Variants in GREB1L observed in about 807,000 individuals in gnomAD.
The protein encoded by GREB1L is GREB1 like retinoic acid receptor coactivator.
A neutral mutation model predicts 200.8 loss-of-function variants in GREB1L; 17 were observed. That is an observed-to-expected ratio of 0.08 (90% CI 0.06 to 0.13). The LOEUF is 0.13. Ranked by LOEUF, GREB1L falls within the 10% of genes least tolerant of loss-of-function variation. The pLI is 1.00. For missense variants in GREB1L, 1,657 were observed against 2,367.7 expected (o/e 0.70, Z 6.23); for synonymous variants, 789 against 893.0 (o/e 0.88, Z 2.08).
intron 15 of GREB1L, among the ~76,000 whole-genome samples, chr18:21,455,469 GTCAGGAGT>G (rs1465848264): frequency 2.6e-5 from 4 of 152,084 alleles, no homozygotes; most frequent in African/African-American, 9.7e-5. Flanking sequence ...ATCACTTGAG[GTCAGGAGT>G]TCAAGACCAG....
At chr18:21,414,557 A>G (rs2031432558) in intron 7 of GREB1L, among the ~76,000 whole-genome samples, 1 of 152,208 alleles carries the variant, frequency 6.6e-6, no homozygotes, top group Non-Finnish European at 1.5e-5. Flanking sequence ...TTCAAGATAC[A>G]GGTAGATGAT....
At chr18:21,311,749 A>G (rs1282590283) in intron 1 of GREB1L, among the ~76,000 whole-genome samples, 2 of 152,166 alleles carry the variant, frequency 1.3e-5, no homozygotes, top group Middle Eastern at 3.2e-3. Context: ...AAAAATCTCA[A>G]TTAATTATAG....
chr18:21,518,232 G>C lies in GREB1L; in HGVS notation c.5470G>C (p.Glu1824Gln). The change falls in exon 31 of 33, where the codon GAG becomes CAG. Residue 1824 changes from glutamate (E) to glutamine (Q), a missense_variant and splice_region_variant. By Grantham distance (29) the Glu-to-Gln change is conservative. Coordinates refer to ENST00000424526, the MANE Select transcript of GREB1L (RefSeq NM_001142966.3). ...AIDCYLNIGP[E>Q]VAICYISSRP... Reference sequence around the variant, plus strand: ...TGACTGCTACCTTAACATTGGACCAGAGGTAAAAAGGGTGTGGGGGATACT... The same window carrying C: ...TGACTGCTACCTTAACATTGGACCACAGGTAAAAAGGGTGTGGGGGATACT... 1 of 1,551,476 alleles carries C rather than the reference G, an allele frequency of 6.4e-7. No homozygotes were observed. The highest frequency in any genetic ancestry group is 8.7e-7 in the Non-Finnish European group (1 of 1,146,828).
At chr18:21,423,709 T>C (rs2032341699) in intron 7 of GREB1L, among the ~76,000 whole-genome samples, 1 of 151,978 alleles carries the variant, frequency 6.6e-6, no homozygotes, top group South Asian at 2.1e-4. Flanking sequence ...AAAATACAAA[T>C]AAATTAGCTA....
At position 21,449,565 on chromosome 18, in the gene GREB1L, G is replaced by C. The variant is rs1309538220; in HGVS notation, c.1449G>C (p.Met483Ile). 4.5e-6 allele frequency: 7 copies of C among 1,551,372 alleles called. No homozygotes were observed. Among genetic ancestry groups the C allele is most frequent in the Non-Finnish European group, 5.2e-6 (6 of 1,146,854 alleles). ...EEFEQIMLKA[M>I]QEFTLRERAL... ...TTGAGCAAATTATGCTGAAAGCTAT[G>C]CAAGAATTTACTCTGAGAGAAAGAG... The change falls in exon 12 of 33, where the codon ATG (methionine) becomes ATC (isoleucine). Residue 483 changes from methionine to isoleucine, a missense_variant. Met to Ile is a conservative substitution (Grantham distance 10). Coordinates refer to ENST00000424526, the MANE Select transcript of GREB1L (RefSeq NM_001142966.3).
intron 23 of GREB1L, 131 bp from the exon 24 acceptor site, chr18:21,505,281 A>C: frequency 1.3e-6 from 1 of 750,148 alleles, no homozygotes; most frequent in Non-Finnish European, 2.2e-6. Context: ...CTACTGGGAC[A>C]GGGGAGCTCA....
chr18:21,494,413 TTA>T (rs548910655), intron 19 of GREB1L, among the ~76,000 whole-genome samples: 96 of 152,318 alleles, frequency 6.3e-4, no homozygotes, highest in African/African-American at 2.2e-3. Flanking sequence ...AGCCTTTTCT[TTA>T]TTGAGCCTTT....
At chr18:21,415,674 G>GCTATTCCCA (rs1248372260) in intron 7 of GREB1L, among the ~76,000 whole-genome samples, 4 of 152,138 alleles carry the variant, frequency 2.6e-5, no homozygotes, top group African/African-American at 9.7e-5. Flanking sequence ...AAGAAAAGTG[G>GCTATTCCCA]CTATTCCCAC....
Position 21,523,607 on chromosome 18 carries a change from C to A in GREB1L, c.*786C>A, listed in dbSNP as rs1014187093. 6.6e-6 allele frequency: 1 copy of A among 152,152 alleles called. No homozygotes were observed. Among genetic ancestry groups the A allele is most frequent in the Admixed American group, 6.6e-5 (1 of 15,262 alleles). The allele number at this position is 152,152 out of a possible 1,614,324, so 9.4% of individuals were successfully genotyped here. ...CTATGGAACAGTGATTAATCTTTTG[C>A]AAGAACTTAAGTCAGTTAAGAAGCT... On this transcript the variant is annotated 3_prime_UTR_variant, in exon 33 of 33. Coordinates refer to ENST00000424526, the MANE Select transcript of GREB1L (RefSeq NM_001142966.3).
chr18:21,274,051 G>C (rs549297966), intron 1 of GREB1L, among the ~76,000 whole-genome samples: 7 of 152,210 alleles, frequency 4.6e-5, no homozygotes, highest in Non-Finnish European at 1.0e-4. Context: ...AAACTGGTTG[G>C]CTTATCAACA....
chr18:21,436,669 G>GGTGTGTGT (rs71178172), intron 7 of GREB1L, among the ~76,000 whole-genome samples: 2,339 of 132,480 alleles, frequency 0.018, 35 homozygotes, highest in Middle Eastern at 0.048. Flanking sequence ...AAAGTTCAGT[G>GGTGTGTGT]GTGTGTGTGT....
intron 7 of GREB1L, among the ~76,000 whole-genome samples, chr18:21,420,605 C>T (rs1396034828): frequency 6.6e-6 from 1 of 152,130 alleles, no homozygotes; most frequent in Admixed American, 6.5e-5. Context: ...TACCAGTATA[C>T]ACCTATTAGT....
At chr18:21,265,246 G>C (rs867614383) in intron 1 of GREB1L, among the ~76,000 whole-genome samples, 7 of 152,134 alleles carry the variant, frequency 4.6e-5, no homozygotes, top group African/African-American at 1.7e-4. Context: ...TCCCAACTTT[G>C]TGATGCTGTG....
intron 1 of GREB1L, among the ~76,000 whole-genome samples, chr18:21,259,950 A>G (rs1342277281): frequency 2.0e-5 from 3 of 151,734 alleles, no homozygotes; most frequent in Non-Finnish European, 4.4e-5. Flanking sequence ...AACTAACTTT[A>G]GTTAGTATAC....
rs543257821 is a variant in GREB1L, at chr18:21,391,822, A to C, written c.356-3563A>C. 6.6e-5 allele frequency among the ~76,000 whole-genome samples: 10 copies of C among 152,210 alleles called. 1 individual carries two copies. In the South Asian group the frequency reaches 2.1e-3, roughly 32 times the overall value. On this transcript the variant is annotated intron_variant, in intron 4 of 32. Coordinates refer to ENST00000424526, the MANE Select transcript of GREB1L (RefSeq NM_001142966.3). ...GGTTTGTTTGTTTATTTATTTATTT[A>C]TTTTGAGACAGAGTTTCACTCTTGT... is the stretch of plus-strand genomic sequence containing the variant.
chr18:21,416,037 C>T (rs564189369), intron 7 of GREB1L, among the ~76,000 whole-genome samples: 4 of 152,052 alleles, frequency 2.6e-5, no homozygotes, highest in Non-Finnish European at 2.9e-5. Flanking sequence ...AGAACTGACA[C>T]GTTAGAGTCA....
chr18:21,422,994 G>A (rs777564827), intron 7 of GREB1L, among the ~76,000 whole-genome samples: 3 of 152,136 alleles, frequency 2.0e-5, no homozygotes, highest in South Asian at 2.1e-4. Flanking sequence ...ATAGTGGCGC[G>A]ATCTCGGCTC....
chr18:21,309,511 A>G (rs1224015487), intron 1 of GREB1L, among the ~76,000 whole-genome samples: 3 of 152,180 alleles, frequency 2.0e-5, no homozygotes, highest in South Asian at 2.1e-4. Context: ...CTACACTACA[A>G]CTGGGGCACT....
chr18:21,343,265 A>G (rs547334349), intron 1 of GREB1L, among the ~76,000 whole-genome samples: 9 of 152,348 alleles, frequency 5.9e-5, no homozygotes, highest in Middle Eastern at 3.4e-3. Context: ...TAAACCTACC[A>G]TTGAAAAACA....
Sources: allele counts gnomAD v4.1 joint callset (sites outside exome capture counted in the v4.1 genomes callset), GRCh38; gene constraint gnomAD v4.1.1; transcripts MANE v1.5; gene names NCBI Gene and HGNC (gene_info 2026-07-23, HGNC 2026-07-21).